The following TTC21B variants were observed in gnomAD, a reference collection of about 807,000 sequenced individuals.
TTC21B encodes tetratricopeptide repeat domain 21B, also known as tetratricopeptide repeat protein 21B.
TTC21B carries 127 observed loss-of-function variants against 175.1 expected under a neutral mutation model. That is an observed-to-expected ratio of 0.73 (90% confidence interval 0.63 to 0.84). The LOEUF (loss-of-function observed/expected upper bound fraction) is 0.84. TTC21B is among the 40% of genes least tolerant of loss of function. The pLI, the probability that TTC21B is intolerant of heterozygous loss-of-function variation, is 0.00. For missense variants in TTC21B, 1,561 were observed against 1,558.3 expected, an observed-to-expected ratio of 1.00 and a Z score of -0.03; for synonymous variants, 524 against 524.5, an observed-to-expected ratio of 1.00 and a Z score of 0.01.
At chr2:165,899,504 T>C (rs1404303777) in intron 21 of TTC21B, among the ~76,000 whole-genome samples, 1 of 152,138 alleles carries the variant, frequency 6.6e-6, no homozygotes, top group Non-Finnish European at 1.5e-5. Flanking sequence ...GAACTCCACC[T>C]GACCAAGCAT....
At chr2:165,884,539 C>T (rs1339206146) in intron 25 of TTC21B, among the ~76,000 whole-genome samples, 1 of 152,062 alleles carries the variant, frequency 6.6e-6, no homozygotes, top group East Asian at 1.9e-4. Flanking sequence ...ACCTCTTCTC[C>T]CAATAAAGTT....
intron 27 of TTC21B, among the ~76,000 whole-genome samples, chr2:165,876,454 A>G (rs577156313): frequency 1.3e-5 from 2 of 152,358 alleles, no homozygotes; most frequent in East Asian, 1.9e-4. Flanking sequence ...AAAGGACCAC[A>G]GTGAATACAT....
chr2:165,930,135 T>A (rs779538642), intron 9 of TTC21B, 37 bp downstream of exon 9: 1 of 1,581,446 alleles, frequency 6.3e-7, no homozygotes, highest in South Asian at 1.1e-5. Context: ...GCTACTTGTA[T>A]CTATATTATA....
At position 165,929,649 on chromosome 2, in the gene TTC21B, C is replaced by A. The variant is rs1375925318; in HGVS notation, c.1185+1G>T. 6.2e-7 allele frequency: 1 copy of A among 1,601,464 alleles called. No individual in the cohort carries two copies. Among genetic ancestry groups the A allele is most frequent in the Admixed American group, 1.7e-5 (1 of 59,832 alleles). On this transcript the variant is annotated splice_donor_variant, in intron 10 of 28. Transcript: ENST00000243344. LOFTEE classifies it high-confidence loss of function. ...CCAGCTGATAAAATAAAATACTGTA[C>A]CGCAGATTTTCCAATGGATTGCTGG...
chr2:165,901,177 C>T (rs777954294), intron 20 of TTC21B, among the ~76,000 whole-genome samples: 4 of 151,890 alleles, frequency 2.6e-5, no homozygotes, highest in Non-Finnish European at 5.9e-5. Context: ...GCTGGGATTA[C>T]AGGCATGAGC....
At chr2:165,903,210 T>C (rs1483682320) in intron 19 of TTC21B, among the ~76,000 whole-genome samples, 1 of 152,166 alleles carries the variant, frequency 6.6e-6, no homozygotes, top group Non-Finnish European at 1.5e-5. Context: ...TAACTCAGTC[T>C]TGGAAGTCAG....
intron 12 of TTC21B, among the ~76,000 whole-genome samples, chr2:165,922,546 A>T (rs993825449): frequency 6.7e-6 from 1 of 148,710 alleles, no homozygotes; most frequent in Admixed American, 6.8e-5. Flanking sequence ...CCACAGCCGG[A>T]ATAGCCACTA....
intron 11 of TTC21B, among the ~76,000 whole-genome samples, chr2:165,927,928 C>T (rs116289445): frequency 0.014 from 2,084 of 152,258 alleles, 59 homozygotes; most frequent in African/African-American, 0.048. Flanking sequence ...AGCAATGGAA[C>T]GCTTGATAGT....
rs980270417 is a variant in TTC21B at position 165,921,211 on chromosome 2, T to C, written c.1517-1778A>G. ...TTGGTGCTTAGAGCCACATTATCAG[T>C]TGGTGGGGGACTGGAGATTGAATTC... is the stretch of plus-strand genomic sequence containing the variant. On this transcript the variant is annotated intron_variant, in intron 12 of 28. Transcript: ENST00000243344. Among the ~76,000 whole-genome samples the C allele has an allele frequency of 2.6e-5, 4 of 152,030 alleles. No individual in the cohort carries two copies. The South Asian group carries it at 6.2e-4, about 24-fold the overall frequency.
intron 6 of TTC21B, among the ~76,000 whole-genome samples, chr2:165,937,983 G>C (rs1327438784): frequency 6.6e-6 from 1 of 152,080 alleles, no homozygotes; most frequent in African/African-American, 2.4e-5. Context: ...AGCCTGGACA[G>C]CTTGTCGTAC....
At chr2:165,880,560 G>C in intron 27 of TTC21B, 119 bp downstream of exon 27, 1 of 1,058,428 alleles carries the variant, frequency 9.4e-7, no homozygotes, top group Admixed American at 1.9e-5. Flanking sequence ...CAGAAAGGTT[G>C]ACAATGAAAA....
chr2:165,875,388 G>A (rs1186309933), intron 28 of TTC21B, among the ~76,000 whole-genome samples: 1 of 151,916 alleles, frequency 6.6e-6, no homozygotes, highest in East Asian at 1.9e-4. Flanking sequence ...AATTACTAAG[G>A]CCAAGTATTT....
rs189774786 is a variant in TTC21B, at chr2:165,903,636, C to T, written c.2569-1726G>A. 1.4e-3 allele frequency among the ~76,000 whole-genome samples: 207 copies of T among 152,222 alleles called. 1 individual carries two copies. Among genetic ancestry groups the T allele is most frequent in the African/African-American group, 4.6e-3 (190 of 41,548 alleles). Reference sequence around the variant, plus strand: ...AGCTAAAAGATGACAGAGAGGGCTACGGAAATGCGGAGTTATTGGAAAAGT... The same window carrying T: ...AGCTAAAAGATGACAGAGAGGGCTATGGAAATGCGGAGTTATTGGAAAAGT... On this transcript the variant is annotated intron_variant, in intron 19 of 28. Coordinates refer to ENST00000243344, the MANE Select transcript of TTC21B (RefSeq NM_024753.5).
chr2:165,937,856 C>T (rs1396184512), intron 6 of TTC21B, among the ~76,000 whole-genome samples: 1 of 141,202 alleles, frequency 7.1e-6, no homozygotes, highest in South Asian at 2.3e-4. Context: ...AAGATATATA[C>T]ATCAAAAAAT....
chr2:165,887,163 A>G lies in TTC21B; in HGVS notation c.3459+1116T>C, dbSNP rs1410868273. Among the ~76,000 whole-genome samples, 7 of 152,242 alleles carry G rather than the reference A, an allele frequency of 4.6e-5. No individual in the cohort carries two copies. The East Asian group carries it at 1.3e-3, about 29-fold the overall frequency. Reference sequence around the variant, plus strand: ...GGTGAGGGGAAAGAGATCACTGTCCAGGGCTTTGGGTAGTTTATTGCTGCC... The same window carrying G: ...GGTGAGGGGAAAGAGATCACTGTCCGGGGCTTTGGGTAGTTTATTGCTGCC... On this transcript the variant is annotated intron_variant, in intron 25 of 28. Transcript: ENST00000243344.
rs544620018 is a variant in TTC21B at position 165,941,189 on chromosome 2, T to G, written c.553-5A>C. 129 of 1,613,818 alleles carry G rather than the reference T, an allele frequency of 8.0e-5. No homozygotes were observed. The Admixed American group carries it at 2.1e-3, about 26-fold the overall frequency. On this transcript the variant is annotated splice_polypyrimidine_tract_variant and splice_region_variant and intron_variant, in intron 5 of 28. Transcript: ENST00000243344. ...GCGCATCTCAAGGCATTGTGCCTAA[T>G]GGAAGGGAAAAAAAGTGATATCCAA...
Position 165,922,116 on chromosome 2 carries a change from T to G in TTC21B, c.1516+2433A>C, listed in dbSNP as rs565100585. ...AGTATTACTAGATTGACATATAAAT[T>G]TTCACAATATAAATACTTAATAAAT... On this transcript the variant is annotated intron_variant, in intron 12 of 28. Coordinates refer to ENST00000243344, the MANE Select transcript of TTC21B (RefSeq NM_024753.5). Among the ~76,000 whole-genome samples, 23 of 152,196 alleles carry G rather than the reference T, an allele frequency of 1.5e-4. No homozygotes were observed. The East Asian group carries it at 4.1e-3, about 27-fold the overall frequency.
chr2:165,898,564 T>C, intron 22 of TTC21B, 122 bp downstream of exon 22: 1 of 737,038 alleles, frequency 1.4e-6, no homozygotes, highest in South Asian at 1.5e-5. Flanking sequence ...ATGTGTGGAA[T>C]AAACAGACAG....
chr2:165,917,667 T>C (rs1405052828), intron 13 of TTC21B, among the ~76,000 whole-genome samples, 186 bp from the exon 14 acceptor site: 1 of 152,166 alleles, frequency 6.6e-6, no homozygotes, highest in East Asian at 1.9e-4. Flanking sequence ...TTCAGGAAAA[T>C]TGCTTCTCCC....
Sources: gnomAD v4.1 joint callset for allele counts (sites outside exome capture counted in the v4.1 genomes callset) on GRCh38, gnomAD v4.1.1 for gene constraint, MANE v1.5 for transcripts, NCBI Gene and HGNC (gene_info 2026-07-23, HGNC 2026-07-21) for gene names.